PARVA: variants seen among roughly 807,000 people sequenced by gnomAD.
PARVA encodes alpha-parvin.
In PARVA, 25 loss-of-function variants were observed where a neutral mutation model predicts 52.6. The observed-to-expected ratio is 0.48, with a 90% CI of 0.35 to 0.66. PARVA has a LOEUF of 0.66. PARVA is among the 30% of genes least tolerant of loss of function. The pLI, the probability that PARVA is intolerant of heterozygous loss-of-function variation, is 0.01. For synonymous variants in PARVA, 185 were observed against 179.1 expected (o/e 1.03, Z -0.26); for missense variants, 373 against 450.9 (o/e 0.83, Z 1.56).
At chr11:12,505,968 C>T (rs1264873269) in intron 6 of PARVA, among the ~76,000 whole-genome samples, 2 of 152,144 alleles carry the variant, frequency 1.3e-5, no homozygotes, top group Admixed American at 1.3e-4. Context: ...CAAGAGTGAA[C>T]CCTAATGTCA....
chr11:12,397,835 T>TC (rs1230736998), intron 1 of PARVA, among the ~76,000 whole-genome samples: 10 of 148,962 alleles, frequency 6.7e-5, no homozygotes, highest in African/African-American at 2.3e-4. Flanking sequence ...TTTTTTTTTT[T>TC]CTTCAACTTT....
At chr11:12,472,619 G>A (rs1344424901) in intron 1 of PARVA, among the ~76,000 whole-genome samples, 3 of 152,170 alleles carry the variant, frequency 2.0e-5, no homozygotes, top group Non-Finnish European at 4.4e-5. Context: ...AGAACTCTTT[G>A]TAAGTGGCTG....
chr11:12,401,363 G>C (rs1158948184), intron 1 of PARVA, among the ~76,000 whole-genome samples: 1 of 152,186 alleles, frequency 6.6e-6, no homozygotes, highest in East Asian at 1.9e-4. Context: ...TTCCTGCTAA[G>C]GCTTAACACA....
At chr11:12,424,515 T>C (rs1244251022) in intron 1 of PARVA, among the ~76,000 whole-genome samples, 1 of 152,116 alleles carries the variant, frequency 6.6e-6, no homozygotes, top group Non-Finnish European at 1.5e-5. Context: ...AAAAATAAAA[T>C]AAAAAATTCA....
chr11:12,399,181 C>T (rs1040347699), intron 1 of PARVA, among the ~76,000 whole-genome samples: 3 of 152,214 alleles, frequency 2.0e-5, no homozygotes, highest in Non-Finnish European at 2.9e-5. Flanking sequence ...GTTTTCCAAA[C>T]ATAGCAGTCC....
At chr11:12,485,578 T>C (rs1941147394) in intron 4 of PARVA, among the ~76,000 whole-genome samples, 7 of 152,212 alleles carry the variant, frequency 4.6e-5, no homozygotes, top group Admixed American at 4.6e-4. Context: ...ATAATAGCAG[T>C]ATTGGATTAT....
intron 6 of PARVA, among the ~76,000 whole-genome samples, chr11:12,508,126 A>AAAAAAAAAAC (rs1564865909): frequency 1.2e-4 from 8 of 66,524 alleles, no homozygotes; most frequent in African/African-American, 4.6e-4. Context: ...AAAAAAACCA[A>AAAAAAAAAAC]AAAAAAAAAC....
chr11:12,384,709 G>A (rs767302192), intron 1 of PARVA, among the ~76,000 whole-genome samples: 1 of 152,160 alleles, frequency 6.6e-6, no homozygotes, highest in African/African-American at 2.4e-5. Context: ...AATGACAGAT[G>A]CAAAGACCTT....
At chr11:12,401,128 C>T (rs1042899362) in intron 1 of PARVA, among the ~76,000 whole-genome samples, 2 of 152,196 alleles carry the variant, frequency 1.3e-5, no homozygotes, top group African/African-American at 4.8e-5. Context: ...ACGGTCGATT[C>T]CCACCTTAAC....
chr11:12,512,498 G>A (rs931704357), intron 8 of PARVA, among the ~76,000 whole-genome samples: 1 of 152,182 alleles, frequency 6.6e-6, no homozygotes, highest in African/African-American at 2.4e-5. Flanking sequence ...CCTTTCCTGA[G>A]TCAGATCCCT....
At chr11:12,424,351 A>G (rs1049649672) in intron 1 of PARVA, among the ~76,000 whole-genome samples, 1 of 152,006 alleles carries the variant, frequency 6.6e-6, no homozygotes, top group Non-Finnish European at 1.5e-5. Context: ...TTTATTTTTC[A>G]TCGTGTCCTG....
intron 1 of PARVA, among the ~76,000 whole-genome samples, chr11:12,391,766 T>A (rs897875521): frequency 6.6e-6 from 1 of 152,184 alleles, no homozygotes; most frequent in Non-Finnish European, 1.5e-5. Flanking sequence ...CAAAGACTTC[T>A]TATGAGCTGG....
chr11:12,517,816 C>A, intron 11 of PARVA, 105 bp downstream of exon 11: 1 of 758,540 alleles, frequency 1.3e-6, no homozygotes. Flanking sequence ...AGCTTCCCCT[C>A]TGCTCAACGT....
In PARVA at chr11:12,475,346, C is replaced by A. The variant is rs145773923; in HGVS notation, c.297+1363C>A. On this transcript the variant is annotated intron_variant, in intron 3 of 12. Coordinates refer to ENST00000334956, the MANE Select transcript of PARVA (RefSeq NM_018222.5). ...CTCAACCACTCCACGGCTGCTATAACCCTATCCTTAGTTCTGTTGTCGTCT... is the reference window on the plus strand; with the variant it reads ...CTCAACCACTCCACGGCTGCTATAAACCTATCCTTAGTTCTGTTGTCGTCT... Among the ~76,000 whole-genome samples the A allele has an allele frequency of 5.6e-3, 854 of 152,344 alleles. 8 individuals are homozygous for A. Among genetic ancestry groups the A allele is most frequent in the African/African-American group, 0.019 (803 of 41,582 alleles).
At chr11:12,472,589 A>G (rs1225859838) in intron 1 of PARVA, among the ~76,000 whole-genome samples, 5 of 152,298 alleles carry the variant, frequency 3.3e-5, no homozygotes, top group Non-Finnish European at 7.3e-5. Flanking sequence ...TGCAGCTATC[A>G]GTGAGTGTAT....
intron 1 of PARVA, among the ~76,000 whole-genome samples, chr11:12,450,648 T>C (rs1940610477): frequency 6.6e-6 from 1 of 152,154 alleles, no homozygotes; most frequent in African/African-American, 2.4e-5. Context: ...TGTCTGCAAG[T>C]TGAGGAGCAA....
chr11:12,504,319 C>G lies in PARVA; in HGVS notation c.547C>G (p.His183Asp). The stretch of plus-strand genomic sequence containing the variant: ...TCAATCTTCTTTCATTTCAGCTGTT[C>G]ATGCCAAGAGCCTGGTGGCCATCTT... ...RSIKWNVDSVHAKSLVAILHL... is the reference protein window; with the variant it reads ...RSIKWNVDSVDAKSLVAILHL... Residue 183 changes from histidine (H) to aspartate (D), a missense_variant, in exon 6 of 13, where the codon CAT becomes GAT. Transcript: ENST00000334956. 6.3e-7 allele frequency: 1 copy of G among 1,599,688 alleles called. No individual in the cohort carries two copies. The highest frequency in any genetic ancestry group is 8.6e-7 in the Non-Finnish European group (1 of 1,167,170).
chr11:12,459,529 A>C (rs541485204), intron 1 of PARVA, among the ~76,000 whole-genome samples: 5 of 152,266 alleles, frequency 3.3e-5, no homozygotes, highest in African/African-American at 1.2e-4. Context: ...TCTGCCTGTG[A>C]GCACCCACTC....
At chr11:12,515,761 C>A (rs1000467042) in intron 10 of PARVA, among the ~76,000 whole-genome samples, 1 of 152,166 alleles carries the variant, frequency 6.6e-6, no homozygotes, top group African/African-American at 2.4e-5. Context: ...TCTGCTCTCC[C>A]GTGTCCACCT....
Sources: gnomAD v4.1 joint callset for allele counts (sites outside exome capture counted in the v4.1 genomes callset) on GRCh38, gnomAD v4.1.1 for gene constraint, MANE v1.5 for transcripts, NCBI Gene and HGNC (gene_info 2026-07-23, HGNC 2026-07-21) for gene names.